The following PCDHA10 variants were observed in gnomAD, a reference collection of about 807,000 sequenced individuals.
PCDHA10 encodes protocadherin alpha 10, also known as protocadherin alpha-10.
In PCDHA10, 45 loss-of-function variants were observed where a neutral mutation model predicts 61.2. The ratio of observed to expected loss-of-function variants is 0.74; its 90% CI spans 0.58 to 0.94. The LOEUF (loss-of-function observed/expected upper bound fraction) is 0.94. Among genes scored for constraint, PCDHA10 ranks in the 40% least tolerant of loss-of-function variants. The pLI is 0.00. For synonymous variants in PCDHA10, 602 were observed against 548.8 expected (o/e 1.10, Z -1.35); for missense variants, 1,278 against 1,236.2 (o/e 1.03, Z -0.51).
chr5:140,927,495 G>C (rs111935715), intron 1 of PCDHA10: 2 of 1,614,128 alleles, frequency 1.2e-6, no homozygotes, highest in African/African-American at 1.3e-5. Context: ...CCCACCTGCT[G>C]GTGCTTACAG....
intron 3 of PCDHA10, among the ~76,000 whole-genome samples, chr5:141,000,481 G>A (rs1475922134): frequency 1.5e-5 from 2 of 133,428 alleles, no homozygotes; most frequent in African/African-American, 2.8e-5. Context: ...AAGCTGGAGT[G>A]CAATGGTAAG....
chr5:140,927,634 A>G, intron 1 of PCDHA10: 1 of 1,614,184 alleles, frequency 6.2e-7, no homozygotes, highest in Non-Finnish European at 8.5e-7. Context: ...GACTGCACCC[A>G]ATGGGACTGT....
intron 1 of PCDHA10, among the ~76,000 whole-genome samples, chr5:140,888,280 C>T (rs182771664): frequency 2.0e-5 from 3 of 152,210 alleles, no homozygotes; most frequent in African/African-American, 4.8e-5. Context: ...GTTTTGTCCC[C>T]TCTACCCCCT....
intron 1 of PCDHA10, chr5:140,862,740 G>T (rs1302893031): frequency 8.7e-6 from 5 of 577,654 alleles, no homozygotes; most frequent in Non-Finnish European, 1.7e-5. Flanking sequence ...GCTATGTGTG[G>T]GTGCACGCGG....
chr5:140,977,433 A>G (rs939711301), intron 1 of PCDHA10, among the ~76,000 whole-genome samples: 6 of 152,218 alleles, frequency 3.9e-5, no homozygotes, highest in Non-Finnish European at 7.3e-5. Flanking sequence ...TAACACCGCT[A>G]GTAGATAATG....
At chr5:140,915,686 A>G (rs1440972076) in intron 1 of PCDHA10, among the ~76,000 whole-genome samples, 2 of 150,988 alleles carry the variant, frequency 1.3e-5, no homozygotes, top group African/African-American at 2.4e-5. Flanking sequence ...AACTAGGGGT[A>G]TGGTGATGCA....
intron 1 of PCDHA10, chr5:140,928,237 C>T: frequency 6.2e-7 from 1 of 1,614,228 alleles, no homozygotes; most frequent in Non-Finnish European, 8.5e-7. Context: ...TCCTCAACCC[C>T]AGCAGGAACT....
At chr5:140,895,138 G>C (rs782496234) in intron 1 of PCDHA10, among the ~76,000 whole-genome samples, 14 of 151,944 alleles carry the variant, frequency 9.2e-5, no homozygotes, top group Non-Finnish European at 1.8e-4. Flanking sequence ...AAGTTCATAG[G>C]GCTAAGACAG....
chr5:140,879,783 G>A (rs182330190), intron 1 of PCDHA10, among the ~76,000 whole-genome samples: 1 of 152,162 alleles, frequency 6.6e-6, no homozygotes, highest in African/African-American at 2.4e-5. Flanking sequence ...GAAGAATCTG[G>A]TTTTTGTTTC....
chr5:140,870,224 C>T, intron 1 of PCDHA10: 1 of 1,614,184 alleles, frequency 6.2e-7, no homozygotes, highest in Admixed American at 1.7e-5. Flanking sequence ...ATCAGCGTGT[C>T]TGACCGTGAC....
intron 1 of PCDHA10, among the ~76,000 whole-genome samples, chr5:140,891,720 T>C (rs1159192046): frequency 2.0e-5 from 3 of 152,170 alleles, no homozygotes; most frequent in African/African-American, 4.8e-5. Context: ...CCCAAATTCA[T>C]GTGTTGAAAA....
At chr5:140,867,315 G>A (rs2049883099) in intron 1 of PCDHA10, 1 of 151,948 alleles carries the variant, frequency 6.6e-6, no homozygotes. Flanking sequence ...CTGTCATCTG[G>A]TCTAATGTTA....
At chr5:140,863,065 G>C (rs2047759481) in intron 1 of PCDHA10, 1 of 566,972 alleles carries the variant, frequency 1.8e-6, no homozygotes, top group Non-Finnish European at 3.5e-6. Flanking sequence ...GTTCCACGTG[G>C]GGCTCTGCAC....
intron 1 of PCDHA10, among the ~76,000 whole-genome samples, chr5:140,938,642 CCTT>C (rs1554212266): frequency 6.6e-6 from 1 of 151,942 alleles, no homozygotes; most frequent in East Asian, 1.9e-4. Flanking sequence ...GATGTATAAT[CCTT>C]CTTTATATCA....
intron 1 of PCDHA10, among the ~76,000 whole-genome samples, chr5:140,904,267 A>C (rs2070997540): frequency 6.6e-6 from 1 of 152,016 alleles, no homozygotes; most frequent in South Asian, 2.1e-4. Context: ...CCCACTTATG[A>C]ATGAGAACAT....
intron 1 of PCDHA10, chr5:140,926,742 C>A: frequency 8.3e-7 from 1 of 1,199,336 alleles, no homozygotes; most frequent in Non-Finnish European, 1.1e-6. Flanking sequence ...GGAGGCGCAA[C>A]GTCGGCGGTC....
At chr5:140,871,376 G>A in intron 1 of PCDHA10, 2 of 1,614,196 alleles carry the variant, frequency 1.2e-6, no homozygotes, top group Non-Finnish European at 1.7e-6. Flanking sequence ...CAGAGGGTGT[G>A]CTCTGAGGAG....
intron 1 of PCDHA10, among the ~76,000 whole-genome samples, chr5:140,924,916 T>A (rs551375956): frequency 7.0e-4 from 85 of 122,004 alleles, no homozygotes; most frequent in East Asian, 2.6e-3. Context: ...TAAAATAAAA[T>A]AAAATAAAAT....
chr5:140,894,113 G>C (rs1239376474), intron 1 of PCDHA10, among the ~76,000 whole-genome samples: 1 of 152,072 alleles, frequency 6.6e-6, no homozygotes, highest in Non-Finnish European at 1.5e-5. Context: ...TTGCAGATGA[G>C]AAGTTTCAAA....
Sources: allele counts gnomAD v4.1 joint callset (sites outside exome capture counted in the v4.1 genomes callset), GRCh38; gene constraint gnomAD v4.1.1; transcripts MANE v1.5; gene names NCBI Gene and HGNC (gene_info 2026-07-23, HGNC 2026-07-21).